Variants in EYA1 observed in about 807,000 individuals in gnomAD.
EYA1 encodes the protein EYA transcriptional coactivator and phosphatase 1.
In EYA1, 16 loss-of-function variants were observed where a neutral mutation model predicts 82.0. The ratio of observed to expected loss-of-function variants is 0.20; its 90% confidence interval spans 0.13 to 0.30. The LOEUF is 0.30. Ranked by LOEUF, EYA1 falls within the 10% of genes least tolerant of loss-of-function variation. The pLI, the probability that EYA1 is intolerant of heterozygous loss-of-function variation, is 1.00. For missense variants in EYA1, 633 were observed against 730.7 expected (o/e 0.87, Z 1.54); for synonymous variants, 261 against 264.4 (o/e 0.99, Z 0.12).
rs1809066677 is a variant in EYA1 at position 71,215,472 on chromosome 8, C to T, written c.1512G>A (p.Gln504=). 1 of 1,613,408 alleles carries T rather than the reference C, an allele frequency of 6.2e-7. No individual in the cohort carries two copies. Among genetic ancestry groups the T allele is most frequent in the East Asian group, 2.2e-5 (1 of 44,888 alleles). The change falls in exon 16 of 18, where the codon CAG becomes CAA. Residue 504 remains glutamine, a synonymous_variant. Coordinates refer to ENST00000340726, the MANE Select transcript of EYA1 (RefSeq NM_000503.6). ...GGACTTTCGCCAATGCTGGGATGAG[C>T]TGAGTAGTTGTTACTAAAATATTCA... ...NCVNILVTTT[Q]LIPALAKVLL... is the part of the protein sequence containing the mutation.
At chr8:71,529,515 G>A (rs372715809) in intron 2 of EYA1, 1 of 152,154 alleles carries the variant, frequency 6.6e-6, no homozygotes, top group Non-Finnish European at 1.5e-5. Flanking sequence ...TCAGATATGT[G>A]CTTTCAAACT....
At chr8:71,545,097 G>A (rs1365330044) in intron 1 of EYA1, among the ~76,000 whole-genome samples, 4 of 152,244 alleles carry the variant, frequency 2.6e-5, no homozygotes, top group Non-Finnish European at 5.9e-5. Flanking sequence ...CTCAGTGCAG[G>A]AGGGTAGGGA....
At chr8:71,478,911 T>C (rs755775146) in intron 2 of EYA1, among the ~76,000 whole-genome samples, 3 of 152,210 alleles carry the variant, frequency 2.0e-5, no homozygotes, top group Non-Finnish European at 2.9e-5. Flanking sequence ...GCATCTACCA[T>C]GCATCAGGTA....
chr8:71,476,462 T>A (rs1457029380), intron 2 of EYA1, among the ~76,000 whole-genome samples: 1 of 152,022 alleles, frequency 6.6e-6, no homozygotes, highest in African/African-American at 2.4e-5. Flanking sequence ...AGAAAACAAT[T>A]TCATTTAAAA....
chr8:71,455,066 TA>T (rs1014250766), intron 2 of EYA1, among the ~76,000 whole-genome samples: 23 of 152,128 alleles, frequency 1.5e-4, no homozygotes, highest in Non-Finnish European at 2.4e-4. Context: ...TAAAAACTGA[TA>T]AAGGGGATAT....
rs1382725468 is a variant in EYA1, at chr8:71,327,840, G to A, written c.203-5572C>T. Among the ~76,000 whole-genome samples the A allele has an allele frequency of 2.7e-5, 4 of 148,874 alleles. No individual in the cohort carries two copies. The East Asian group carries it at 6.0e-4, about 22-fold the overall frequency. On this transcript the variant is annotated intron_variant, in intron 4 of 17. Coordinates refer to ENST00000340726, the MANE Select transcript of EYA1 (RefSeq NM_000503.6). ...AAGACACTAATAATAGTTAGGGCGG[G>A]AATCTTTAAGTTCTTTTTTTTTTTT... is the stretch of plus-strand genomic sequence containing the variant.
intron 2 of EYA1, among the ~76,000 whole-genome samples, chr8:71,522,428 T>C (rs781102647): frequency 1.6e-4 from 24 of 152,312 alleles, no homozygotes; most frequent in Middle Eastern, 3.4e-3. Context: ...TGCTACACAG[T>C]AAGTGCCTAA....
At chr8:71,401,096 T>C (rs148921897) in intron 2 of EYA1, among the ~76,000 whole-genome samples, 33,020 of 152,026 alleles carry the variant, frequency 0.22, 4,363 homozygotes, top group Non-Finnish European at 0.3. Context: ...TGAGAACACA[T>C]GGACACAGGG....
chr8:71,438,119 G>C (rs148234363), intron 2 of EYA1, among the ~76,000 whole-genome samples: 1 of 151,936 alleles, frequency 6.6e-6, no homozygotes, highest in Non-Finnish European at 1.5e-5. Flanking sequence ...GGACTTATAC[G>C]TCCTAGATGA....
At chr8:71,403,756 T>C (rs1038694702) in intron 2 of EYA1, 2 of 152,134 alleles carry the variant, frequency 1.3e-5, no homozygotes, top group African/African-American at 4.8e-5. Context: ...GAGTGATATG[T>C]ACACCATGAT....
chr8:71,460,150 A>G (rs1413448425), intron 2 of EYA1, among the ~76,000 whole-genome samples: 4 of 152,216 alleles, frequency 2.6e-5, no homozygotes, highest in Non-Finnish European at 5.9e-5. Flanking sequence ...TCTAAGATGA[A>G]GAGATCTATG....
intron 2 of EYA1, among the ~76,000 whole-genome samples, chr8:71,454,568 T>C (rs1807712003): frequency 6.6e-6 from 1 of 152,092 alleles, no homozygotes; most frequent in African/African-American, 2.4e-5. Flanking sequence ...TAACAAACTG[T>C]CTCTCAGACC....
intron 2 of EYA1, among the ~76,000 whole-genome samples, chr8:71,532,503 A>T (rs746243216): frequency 1.6e-4 from 25 of 152,226 alleles, no homozygotes; most frequent in Non-Finnish European, 2.9e-4. Flanking sequence ...TTGAGAAAGA[A>T]TTGTTGTTTA....
intron 5 of EYA1, 98 bp from the exon 6 acceptor site, chr8:71,321,977 T>A: frequency 2.0e-6 from 3 of 1,505,996 alleles, no homozygotes; most frequent in Non-Finnish European, 2.8e-6. Context: ...CTAAATATTG[T>A]ATCTTAAAGT....
At chr8:71,459,930 T>C (rs1808238041) in intron 2 of EYA1, among the ~76,000 whole-genome samples, 1 of 152,200 alleles carries the variant, frequency 6.6e-6, no homozygotes, top group Non-Finnish European at 1.5e-5. Flanking sequence ...ATTATCAGCA[T>C]ATGAATTCAG....
chr8:71,417,058 A>C (rs4387005), intron 2 of EYA1, among the ~76,000 whole-genome samples: 110,844 of 152,044 alleles, frequency 0.73, 41,369 homozygotes, highest in African/African-American at 0.84. Flanking sequence ...CTTAGCTTCC[A>C]AGCCTACATC....
intron 6 of EYA1, among the ~76,000 whole-genome samples, chr8:71,321,434 A>G (rs889319472): frequency 1.1e-4 from 17 of 152,342 alleles, no homozygotes; most frequent in African/African-American, 3.6e-4. Context: ...ATGCACAAAA[A>G]TATTTTGGAT....
intron 2 of EYA1, among the ~76,000 whole-genome samples, chr8:71,513,387 T>A (rs1460333951): frequency 2.6e-5 from 4 of 152,120 alleles, no homozygotes; most frequent in African/African-American, 9.7e-5. Flanking sequence ...TATCAAAAAG[T>A]CAATAGTCTG....
intron 3 of EYA1, among the ~76,000 whole-genome samples, chr8:71,341,723 A>T (rs1270114016): frequency 6.6e-6 from 1 of 152,180 alleles, no homozygotes; most frequent in East Asian, 1.9e-4. Flanking sequence ...AGTTAAGGTC[A>T]TCTTCTTTAT....
Sources: allele counts gnomAD v4.1 joint callset (sites outside exome capture counted in the v4.1 genomes callset), GRCh38; gene constraint gnomAD v4.1.1; transcripts MANE v1.5; gene names NCBI Gene and HGNC (gene_info 2026-07-23, HGNC 2026-07-21).